Variants in PTPRD observed in about 807,000 individuals in gnomAD.
PTPRD encodes the protein protein tyrosine phosphatase receptor type D, also known as receptor-type tyrosine-protein phosphatase delta.
A neutral mutation model predicts 214.5 loss-of-function variants in PTPRD; 34 were observed. The observed-to-expected ratio is 0.16, with a 90% CI of 0.12 to 0.21. The LOEUF is 0.21. Among genes scored for constraint, PTPRD ranks in the 10% least tolerant of loss-of-function variants. The pLI is 1.00. For synonymous variants in PTPRD, 1,128 were observed against 845.7 expected (o/e 1.33, Z -5.79); for missense variants, 2,545 against 2,398.7 (o/e 1.06, Z -1.27).
At chr9:9,552,597 G>C (rs1208943530) in intron 8 of PTPRD, among the ~76,000 whole-genome samples, 2 of 151,906 alleles carry the variant, frequency 1.3e-5, no homozygotes, top group Non-Finnish European at 2.9e-5. Flanking sequence ...AACTTCTTCT[G>C]TCTAATGACC....
intron 7 of PTPRD, among the ~76,000 whole-genome samples, chr9:9,707,026 GA>G (rs2097633598): frequency 6.6e-6 from 1 of 152,052 alleles, no homozygotes; most frequent in Non-Finnish European, 1.5e-5. Context: ...TACCACTCAA[GA>G]AAATATTATC....
intron 10 of PTPRD, among the ~76,000 whole-genome samples, chr9:9,105,148 T>G (rs2099796730): frequency 6.6e-6 from 1 of 152,206 alleles, no homozygotes; most frequent in South Asian, 2.1e-4. Flanking sequence ...TAATAACTTC[T>G]TTGAATTCTC....
chr9:9,227,474 T>G (rs1040325270), intron 9 of PTPRD, among the ~76,000 whole-genome samples: 2 of 152,152 alleles, frequency 1.3e-5, no homozygotes, highest in East Asian at 3.9e-4. Flanking sequence ...GTGATAACTG[T>G]GGCTTAAAAA....
At chr9:8,695,539 T>A (rs2097894413) in intron 12 of PTPRD, among the ~76,000 whole-genome samples, 1 of 151,528 alleles carries the variant, frequency 6.6e-6, no homozygotes, top group African/African-American at 2.4e-5. Flanking sequence ...GCCCAGACAC[T>A]ATCAGATACC....
chr9:9,227,396 T>C (rs980354097), intron 9 of PTPRD, among the ~76,000 whole-genome samples: 1 of 152,146 alleles, frequency 6.6e-6, no homozygotes, highest in Admixed American at 6.6e-5. Flanking sequence ...AGAAAATATC[T>C]CCAGGTCTGA....
chr9:10,324,915 T>G (rs1041485040), intron 3 of PTPRD, among the ~76,000 whole-genome samples: 1 of 152,098 alleles, frequency 6.6e-6, no homozygotes, highest in Non-Finnish European at 1.5e-5. Flanking sequence ...TTTCAAATTT[T>G]ACCAACACAC....
intron 8 of PTPRD, among the ~76,000 whole-genome samples, chr9:9,438,057 G>A (rs1017718915): frequency 1.3e-5 from 2 of 152,084 alleles, no homozygotes; most frequent in Non-Finnish European, 2.9e-5. Flanking sequence ...TGTTCCGATG[G>A]CTTTCCCTCT....
intron 11 of PTPRD, among the ~76,000 whole-genome samples, chr9:8,851,301 G>A (rs2097806100): frequency 6.6e-6 from 1 of 151,872 alleles, no homozygotes. Context: ...AATATCCCCA[G>A]GAATATATTA....
chr9:8,485,959 T>G lies in PTPRD; in HGVS notation c.2858A>C (p.Lys953Thr), dbSNP rs2096995511. 6.2e-7 allele frequency: 1 copy of G among 1,614,056 alleles called. No homozygotes were observed. Among genetic ancestry groups the G allele is most frequent in the South Asian group, 1.1e-5 (1 of 91,072 alleles). ...VLAERNGIITKYTLLYRDINI... is the reference protein window; with the variant it reads ...VLAERNGIITTYTLLYRDINI... ...GATATCCCTATAAAGAAGGGTATAC[T>G]TGGTGATAATGCCATTTCTCTCTGC... The change falls in exon 28 of 46, where the codon AAG becomes ACG. Residue 953 changes from lysine to threonine, a missense_variant. By Grantham distance (78) the Lys-to-Thr change is moderately conservative (BLOSUM62 -1). Coordinates refer to ENST00000381196, the MANE Select transcript of PTPRD (RefSeq NM_002839.4).
In PTPRD at chr9:9,802,899, T is replaced by C. The variant is rs533201630; in HGVS notation, c.-367-36048A>G. ...TCTTTTGCATTACACTAATAATGCATATAATTTGAGCTATTTTAAGAGTAC... is the reference window on the plus strand; with the variant it reads ...TCTTTTGCATTACACTAATAATGCACATAATTTGAGCTATTTTAAGAGTAC... On this transcript the variant is annotated intron_variant, in intron 5 of 45. Transcript: ENST00000381196. Among the ~76,000 whole-genome samples the C allele has an allele frequency of 3.3e-5, 5 of 152,034 alleles. No homozygotes were observed. In the South Asian group the frequency reaches 1.0e-3, roughly 31 times the overall value.
intron 11 of PTPRD, among the ~76,000 whole-genome samples, chr9:8,858,641 C>G (rs1010244505): frequency 6.6e-6 from 1 of 152,148 alleles, no homozygotes; most frequent in Non-Finnish European, 1.5e-5. Flanking sequence ...TGCGCGTTGC[C>G]TGCGCGTGAG....
intron 3 of PTPRD, among the ~76,000 whole-genome samples, chr9:10,340,317 A>T (rs1175539932): frequency 6.6e-6 from 1 of 151,936 alleles, no homozygotes; most frequent in Non-Finnish European, 1.5e-5. Context: ...GCAAAAGCAT[A>T]CCAATCTTTA....
intron 6 of PTPRD, among the ~76,000 whole-genome samples, chr9:9,742,726 C>A (rs1014703694): frequency 6.6e-6 from 1 of 152,084 alleles, no homozygotes; most frequent in Non-Finnish European, 1.5e-5. Flanking sequence ...ATACCTAGAC[C>A]TTAGTGTTTC....
chr9:9,984,627 GA>G (rs1678558048), intron 4 of PTPRD, among the ~76,000 whole-genome samples: 1 of 152,166 alleles, frequency 6.6e-6, no homozygotes, highest in African/African-American at 2.4e-5. Flanking sequence ...ATAGCTAGTG[GA>G]GGTGCACATG....
intron 8 of PTPRD, among the ~76,000 whole-genome samples, chr9:9,431,237 G>T (rs1316534542): frequency 6.6e-6 from 1 of 152,132 alleles, no homozygotes; most frequent in Non-Finnish European, 1.5e-5. Flanking sequence ...TCAAAAAGTA[G>T]GCGAAGGATA....
intron 2 of PTPRD, among the ~76,000 whole-genome samples, chr9:10,576,583 G>C (rs1334156192): frequency 6.6e-6 from 1 of 152,114 alleles, no homozygotes; most frequent in African/African-American, 2.4e-5. Flanking sequence ...GGCTACATTT[G>C]ATAAAGGTTG....
At chr9:9,324,317 G>A (rs141182081) in intron 9 of PTPRD, among the ~76,000 whole-genome samples, 2,604 of 152,276 alleles carry the variant, frequency 0.017, 76 homozygotes, top group African/African-American at 0.06. Flanking sequence ...CAGTGTAAAA[G>A]CATTCCTGTT....
chr9:9,176,577 T>C (rs1414378326), intron 10 of PTPRD, among the ~76,000 whole-genome samples: 2 of 152,108 alleles, frequency 1.3e-5, no homozygotes, highest in South Asian at 2.1e-4. Flanking sequence ...AATGTAATGG[T>C]GTTGGGAGTT....
At chr9:8,731,076 C>G (rs947370956) in intron 12 of PTPRD, among the ~76,000 whole-genome samples, 3 of 152,208 alleles carry the variant, frequency 2.0e-5, no homozygotes, top group African/African-American at 7.2e-5. Flanking sequence ...AATTTTCCAA[C>G]CTAGGTTTGA....
Sources: allele counts gnomAD v4.1 joint callset (sites outside exome capture counted in the v4.1 genomes callset), GRCh38; gene constraint gnomAD v4.1.1; transcripts MANE v1.5; gene names NCBI Gene and HGNC (gene_info 2026-07-23, HGNC 2026-07-21).